The following ZNF521 variants were observed in gnomAD, a reference collection of about 807,000 sequenced individuals.
ZNF521 encodes the protein zinc finger protein 521.
In ZNF521, 14 loss-of-function variants were observed where a neutral mutation model predicts 105.5. That is an observed-to-expected ratio of 0.13 (90% CI 0.09 to 0.21). ZNF521 has a LOEUF of 0.21. Ranked by LOEUF, ZNF521 falls within the 10% of genes least tolerant of loss-of-function variation. The pLI, the probability that ZNF521 is intolerant of heterozygous loss-of-function variation, is 1.00. For synonymous variants in ZNF521, 635 were observed against 606.0 expected, an observed-to-expected ratio of 1.05 and a Z score of -0.70; for missense variants, 1,233 against 1,629.7, an observed-to-expected ratio of 0.76 and a Z score of 4.19.
chr18:25,160,340 C>G (rs543977431), intron 5 of ZNF521, among the ~76,000 whole-genome samples: 1 of 152,356 alleles, frequency 6.6e-6, no homozygotes, highest in Non-Finnish European at 1.5e-5. Context: ...TGATGCTTCT[C>G]TGTCCCTCTT....
chr18:25,173,215 G>A (rs28438538), intron 5 of ZNF521, among the ~76,000 whole-genome samples: 9,512 of 152,192 alleles, frequency 0.062, 561 homozygotes, highest in African/African-American at 0.15. Context: ...AGGGCTAGTG[G>A]GCCTGTGCTA....
chr18:25,168,117 C>T (rs1227245514), intron 5 of ZNF521, among the ~76,000 whole-genome samples: 10 of 152,126 alleles, frequency 6.6e-5, no homozygotes, highest in Non-Finnish European at 1.3e-4. Context: ...TGATTTAGTG[C>T]TCTGCATTAA....
At chr18:25,120,195 T>C (rs571922567) in intron 5 of ZNF521, among the ~76,000 whole-genome samples, 138 of 152,300 alleles carry the variant, frequency 9.1e-4, no homozygotes, top group Middle Eastern at 6.8e-3. Flanking sequence ...CAAGCATTTA[T>C]GGAAAAAATA....
chr18:25,093,218 G>A (rs1483683706), intron 5 of ZNF521, among the ~76,000 whole-genome samples: 1 of 152,096 alleles, frequency 6.6e-6, no homozygotes, highest in East Asian at 1.9e-4. Flanking sequence ...TTCAAACCTG[G>A]GCACTCTGGC....
intron 3 of ZNF521, among the ~76,000 whole-genome samples, chr18:25,294,376 G>A (rs11662495): frequency 0.16 from 23,965 of 152,062 alleles, 2,262 homozygotes; most frequent in East Asian, 0.28. Context: ...CAAATTAGTT[G>A]TCAAATTTGA....
At chr18:25,108,994 A>C (rs1216274927) in intron 5 of ZNF521, among the ~76,000 whole-genome samples, 1 of 152,130 alleles carries the variant, frequency 6.6e-6, no homozygotes, top group Non-Finnish European at 1.5e-5. Context: ...GTACATGTGC[A>C]GGTTTGTTAC....
At chr18:25,099,571 A>T (rs1303423073) in intron 5 of ZNF521, among the ~76,000 whole-genome samples, 1 of 152,212 alleles carries the variant, frequency 6.6e-6, no homozygotes, top group African/African-American at 2.4e-5. Context: ...AGAAGGGATA[A>T]TTACCTTTTA....
At chr18:25,239,716 G>T (rs969889646) in intron 3 of ZNF521, among the ~76,000 whole-genome samples, 1 of 152,162 alleles carries the variant, frequency 6.6e-6, no homozygotes, top group Admixed American at 6.5e-5. Context: ...AACTTCCGGG[G>T]TTCAGAATGT....
intron 5 of ZNF521, among the ~76,000 whole-genome samples, chr18:25,120,705 T>TA (rs890960623): frequency 1.4e-4 from 21 of 151,934 alleles, no homozygotes; most frequent in Non-Finnish European, 1.5e-4. Flanking sequence ...TTGATAGATA[T>TA]AAAAAAAAGG....
intron 3 of ZNF521, among the ~76,000 whole-genome samples, chr18:25,228,113 G>A (rs9947051): frequency 0.085 from 12,867 of 152,068 alleles, 894 homozygotes; most frequent in African/African-American, 0.18. Flanking sequence ...GAAATATTAC[G>A]GGAATGATTT....
rs142047358 is a variant in ZNF521 at position 25,225,633 on chromosome 18, C to A, written c.2285G>T (p.Arg762Leu). 10 of 1,614,014 alleles carry A rather than the reference C, an allele frequency of 6.2e-6. No homozygotes were observed. In the Admixed American group the frequency reaches 8.3e-5, roughly 13 times the overall value. ...YRCTSCNWDF[R>L]NETDLQLHVK... is the part of the protein sequence containing the mutation. ...ATGGAGCTGCAAGTCAGTTTCGTTG[C>A]GGAAGTCCCAGTTGCAAGATGTGCA... Residue 762 changes from arginine (R) to leucine (L), a missense_variant, in exon 4 of 8, where the codon CGC (arginine) becomes CTC (leucine). This residue lies in a region of ZNF521 where 614 missense variants were observed against 751.5 expected (regional missense o/e 0.82). Coordinates refer to ENST00000361524, the MANE Select transcript of ZNF521 (RefSeq NM_015461.3). The surrounding 1 kb of genome is among the most constrained non-coding windows in gnomAD (Gnocchi z 5.6).
At chr18:25,138,856 C>T (rs1299151235) in intron 5 of ZNF521, among the ~76,000 whole-genome samples, 1 of 152,118 alleles carries the variant, frequency 6.6e-6, no homozygotes, top group Non-Finnish European at 1.5e-5. Flanking sequence ...CTATCTTGTG[C>T]TCTACCCACG....
At chr18:25,241,767 C>T (rs1367810784) in intron 3 of ZNF521, among the ~76,000 whole-genome samples, 1 of 152,142 alleles carries the variant, frequency 6.6e-6, no homozygotes, top group Non-Finnish European at 1.5e-5. Context: ...CTAAAGAGCA[C>T]TTAAAAACAA....
chr18:25,238,439 T>C (rs1289739600), intron 3 of ZNF521, among the ~76,000 whole-genome samples: 1 of 152,204 alleles, frequency 6.6e-6, no homozygotes, highest in Admixed American at 6.5e-5. Context: ...AAATCCTATA[T>C]ATACACATCT....
At chr18:25,108,519 T>C (rs1341017646) in intron 5 of ZNF521, among the ~76,000 whole-genome samples, 1 of 152,220 alleles carries the variant, frequency 6.6e-6, no homozygotes, top group African/African-American at 2.4e-5. Context: ...TTGGAATTCA[T>C]AGTTCTTATT....
intron 5 of ZNF521, among the ~76,000 whole-genome samples, chr18:25,132,499 CCT>C (rs919297850): frequency 2.0e-5 from 3 of 151,908 alleles, no homozygotes; most frequent in African/African-American, 7.3e-5. Context: ...TTTATGTTTC[CCT>C]GAGTATGTGA....
chr18:25,113,072 G>T (rs918371045), intron 5 of ZNF521, among the ~76,000 whole-genome samples: 3 of 151,978 alleles, frequency 2.0e-5, no homozygotes, highest in African/African-American at 4.8e-5. Context: ...TCGGCATAGG[G>T]GAAAGGGCCT....
chr18:25,280,933 ACT>A (rs1226068730), intron 3 of ZNF521, among the ~76,000 whole-genome samples: 2 of 151,800 alleles, frequency 1.3e-5, no homozygotes, highest in Non-Finnish European at 2.9e-5. Context: ...ATACTGTCTC[ACT>A]CTCTCTCTCA....
chr18:25,288,568 C>G (rs1483176182), intron 3 of ZNF521, among the ~76,000 whole-genome samples: 1 of 111,780 alleles, frequency 8.9e-6, no homozygotes, highest in African/African-American at 3.7e-5. Context: ...TGCATTATAA[C>G]ACTTAAAAAA....
Sources: gnomAD v4.1 joint callset for allele counts (sites outside exome capture counted in the v4.1 genomes callset) on GRCh38, gnomAD v4.1.1 for gene constraint, gnomAD v4.1.1 regional missense constraint, Gnocchi (gnomAD v3.1) non-coding constraint, MANE v1.5 for transcripts, NCBI Gene and HGNC (gene_info 2026-07-23, HGNC 2026-07-21) for gene names.